KCNAB1: variants seen among roughly 807,000 people sequenced by gnomAD.
KCNAB1 encodes the protein potassium voltage-gated channel subfamily A regulatory beta subunit 1, also known as voltage-gated potassium channel subunit beta-1.
In KCNAB1, 35 loss-of-function variants were observed where a neutral mutation model predicts 64.6. The ratio of observed to expected loss-of-function variants is 0.54; its 90% CI spans 0.41 to 0.72. The LOEUF (loss-of-function observed/expected upper bound fraction) is 0.72, where lower values mean the gene tolerates loss of function less well. Among genes scored for constraint, KCNAB1 ranks in the 30% least tolerant of loss-of-function variants. The pLI, the probability that KCNAB1 is intolerant of heterozygous loss-of-function variation, is 0.00. For missense variants in KCNAB1, 401 were observed against 512.9 expected (o/e 0.78, Z 2.11); for synonymous variants, 177 against 183.8 (o/e 0.96, Z 0.30).
At chr3:156,263,230 G>C (rs549459332) in intron 1 of KCNAB1, among the ~76,000 whole-genome samples, 1 of 151,830 alleles carries the variant, frequency 6.6e-6, no homozygotes, top group Non-Finnish European at 1.5e-5. Context: ...TGACAGCTTA[G>C]GTTATTGATT....
At chr3:156,412,831 C>T (rs1000684278) in intron 1 of KCNAB1, among the ~76,000 whole-genome samples, 8 of 152,140 alleles carry the variant, frequency 5.3e-5, no homozygotes, top group Admixed American at 5.2e-4. Flanking sequence ...TTTGCTGGCT[C>T]TTCAGGATTT....
At chr3:156,512,047 A>G (rs1717249157) in intron 8 of KCNAB1, among the ~76,000 whole-genome samples, 1 of 152,110 alleles carries the variant, frequency 6.6e-6, no homozygotes, top group Non-Finnish European at 1.5e-5. Flanking sequence ...CTTCAGTGAG[A>G]CCTTCCTTAC....
intron 1 of KCNAB1, among the ~76,000 whole-genome samples, chr3:156,256,097 C>T (rs879915218): frequency 6.6e-6 from 1 of 152,202 alleles, no homozygotes; most frequent in Non-Finnish European, 1.5e-5. Flanking sequence ...CATAGTTTGA[C>T]TGCAGAGTTT....
intron 1 of KCNAB1, among the ~76,000 whole-genome samples, chr3:156,241,500 G>T (rs374083196): frequency 3.3e-5 from 5 of 152,152 alleles, no homozygotes; most frequent in African/African-American, 1.2e-4. Context: ...TTCTGAGTTG[G>T]ATTCCTTTGT....
At chr3:156,120,519 G>C (rs561317403), upstream of KCNAB1, 5 of 1,404,942 alleles carry the variant, frequency 3.6e-6, no homozygotes, top group African/African-American at 1.4e-5. Context: ...GAGGTGGAGT[G>C]GGCAGGGACG....
At position 156,421,654 on chromosome 3, in the gene KCNAB1, G is replaced by A; in HGVS notation, c.314G>A (p.Gly105Asp). Residue 105 changes from glycine to aspartate, a missense_variant, in exon 2 of 14, where the codon GGT (glycine) becomes GAT (aspartate). Transcript: ENST00000490337. ...GKSGLRVSCL[G>D]LGTWVTFGGQ... ...TCAGGACTCAGAGTTTCTTGCTTGG[G>A]TCTTGGTAAGTACTGAGGGTGTGAC... The A allele has an allele frequency of 6.2e-7, 1 of 1,613,976 alleles. No homozygotes were observed. The highest frequency in any genetic ancestry group is 8.5e-7 in the Non-Finnish European group (1 of 1,179,878).
intron 2 of KCNAB1, among the ~76,000 whole-genome samples, chr3:156,436,404 T>C (rs549094782): frequency 6.6e-6 from 1 of 152,364 alleles, no homozygotes; most frequent in South Asian, 2.1e-4. Flanking sequence ...TATAAAAGAA[T>C]AATTTATATT....
At position 156,182,606 on chromosome 3, in the gene KCNAB1, T is replaced by C. The variant is rs141694276; in HGVS notation, c.275+61720T>C. 3.2e-3 allele frequency among the ~76,000 whole-genome samples: 390 copies of C among 122,354 alleles called. 1 individual carries two copies. The highest frequency in any genetic ancestry group is 0.011 in the African/African-American group (360 of 33,928). 80.3% of individuals were successfully genotyped at this position (122,354 alleles called of 152,430 possible). A position where few individuals can be genotyped will look rare whatever the true frequency, so the allele number is the denominator to read the frequency against. On this transcript the variant is annotated intron_variant, in intron 1 of 13. Coordinates refer to ENST00000490337, the MANE Select transcript of KCNAB1 (RefSeq NM_172160.3). ...TTAGCCTTCTTTATATTCTACTCCT[T>C]CTTTCCAGGGTTGGTTTTTTTTTCC...
intron 2 of KCNAB1, among the ~76,000 whole-genome samples, chr3:156,450,984 G>A (rs1711959878): frequency 6.6e-6 from 1 of 151,528 alleles, no homozygotes; most frequent in African/African-American, 2.4e-5. Flanking sequence ...AACACATGGT[G>A]GTAAAAAGCT....
Position 156,465,558 on chromosome 3 carries a change from C to A in KCNAB1, c.528-85C>A, listed in dbSNP as rs559663240. On this transcript the variant is annotated intron_variant, in intron 6 of 13. Transcript: ENST00000490337. ...TGTAGAATTTGATAAGAACAGGGTG[C>A]AAAATTAGCAATTCAGACCAGAGAT... The A allele has an allele frequency of 3.9e-4, 486 of 1,260,648 alleles. 9 individuals carry two copies. In the South Asian group the frequency reaches 4.8e-3, roughly 12 times the overall value. 78.1% of individuals were successfully genotyped at this position (1,260,648 alleles called of 1,614,324 possible). A position where few individuals can be genotyped will look rare whatever the true frequency, so the allele number is the denominator to read the frequency against.
chr3:156,157,673 A>G (rs1008690962), intron 1 of KCNAB1, among the ~76,000 whole-genome samples: 1 of 152,180 alleles, frequency 6.6e-6, no homozygotes, highest in Admixed American at 6.5e-5. Context: ...TTCCACATCA[A>G]TTAAATCTTT....
intron 1 of KCNAB1, among the ~76,000 whole-genome samples, chr3:156,385,494 A>C (rs1712520699): frequency 6.6e-6 from 1 of 152,140 alleles, no homozygotes; most frequent in Non-Finnish European, 1.5e-5. Context: ...TACAATAAAA[A>C]TAATTATTTT....
intron 1 of KCNAB1, among the ~76,000 whole-genome samples, chr3:156,404,981 G>A (rs185097599): frequency 2.4e-4 from 37 of 152,358 alleles, no homozygotes; most frequent in Non-Finnish European, 1.5e-5. Flanking sequence ...AGAGAGCTCA[G>A]TTATAAACTT....
intron 8 of KCNAB1, among the ~76,000 whole-genome samples, chr3:156,478,108 A>C (rs1714505021): frequency 6.6e-6 from 1 of 152,094 alleles, no homozygotes; most frequent in African/African-American, 2.4e-5. Context: ...TATTCAATTT[A>C]TTTTTCAAAT....
At chr3:156,180,628 C>G (rs1034463682) in intron 1 of KCNAB1, among the ~76,000 whole-genome samples, 2 of 152,024 alleles carry the variant, frequency 1.3e-5, no homozygotes, top group African/African-American at 2.4e-5. Context: ...TTAATACAAT[C>G]CAATAACTGC....
intron 1 of KCNAB1, among the ~76,000 whole-genome samples, chr3:156,322,191 G>T (rs1381457490): frequency 3.3e-5 from 5 of 152,202 alleles, no homozygotes; most frequent in Non-Finnish European, 5.9e-5. Context: ...TCCCAGAACA[G>T]TTCTTAGATG....
At chr3:156,403,607 A>G (rs1251385976) in intron 1 of KCNAB1, among the ~76,000 whole-genome samples, 1 of 152,134 alleles carries the variant, frequency 6.6e-6, no homozygotes. Flanking sequence ...TTAAAACAAA[A>G]AGGGGAGCTG....
intron 9 of KCNAB1, among the ~76,000 whole-genome samples, 178 bp from the exon 10 acceptor site, chr3:156,514,922 A>ACCTTT (rs1396829714): frequency 1.3e-5 from 2 of 152,190 alleles, no homozygotes; most frequent in African/African-American, 4.8e-5. Context: ...AGGGTTTCCT[A>ACCTTT]CCTTTCATAT....
At chr3:156,476,669 A>G (rs954927971) in intron 8 of KCNAB1, among the ~76,000 whole-genome samples, 4 of 152,030 alleles carry the variant, frequency 2.6e-5, no homozygotes, top group Admixed American at 6.6e-5. Flanking sequence ...TGATTTTGCA[A>G]TTGTGAATTG....
Sources: allele counts gnomAD v4.1 joint callset (sites outside exome capture counted in the v4.1 genomes callset), GRCh38; gene constraint gnomAD v4.1.1; transcripts MANE v1.5; gene names NCBI Gene and HGNC (gene_info 2026-07-23, HGNC 2026-07-21).